The following TGFBR3 variants were observed in gnomAD, a reference collection of about 807,000 sequenced individuals.
TGFBR3 encodes transforming growth factor beta receptor type 3.
A neutral mutation model predicts 87.9 loss-of-function variants in TGFBR3; 46 were observed. The ratio of observed to expected loss-of-function variants is 0.52; its 90% CI spans 0.41 to 0.67. The LOEUF (loss-of-function observed/expected upper bound fraction) is 0.67. Ranked by LOEUF, TGFBR3 falls within the 30% of genes least tolerant of loss-of-function variation. TGFBR3 has a pLI of 0.00. For synonymous variants in TGFBR3, 381 were observed against 391.6 expected, an observed-to-expected ratio of 0.97 and a Z score of 0.32; for missense variants, 866 against 1,041.9, an observed-to-expected ratio of 0.83 and a Z score of 2.32.
intron 1 of TGFBR3, among the ~76,000 whole-genome samples, chr1:91,883,000 G>T (rs1304250935): frequency 6.6e-6 from 1 of 152,104 alleles, no homozygotes; most frequent in Non-Finnish European, 1.5e-5. Flanking sequence ...GAAAGATGAT[G>T]ACAGGATTGT....
intron 2 of TGFBR3, among the ~76,000 whole-genome samples, chr1:91,815,927 A>G (rs2101049073): frequency 6.6e-6 from 1 of 152,368 alleles, no homozygotes; most frequent in African/African-American, 2.4e-5. Context: ...GTGAACCTGG[A>G]AGGGCTCAGC....
intron 2 of TGFBR3, among the ~76,000 whole-genome samples, chr1:91,839,175 G>T (rs902455657): frequency 2.6e-5 from 4 of 151,990 alleles, no homozygotes; most frequent in African/African-American, 7.2e-5. Flanking sequence ...ACACGGTCTC[G>T]CTGTGTTGAC....
chr1:91,785,749 C>A (rs1674933338), intron 3 of TGFBR3, among the ~76,000 whole-genome samples: 1 of 151,866 alleles, frequency 6.6e-6, no homozygotes, highest in African/African-American at 2.4e-5. Flanking sequence ...ATGAACACAC[C>A]CTTTGTTGGG....
intron 3 of TGFBR3, among the ~76,000 whole-genome samples, chr1:91,769,130 T>C (rs930642488): frequency 2.6e-5 from 4 of 152,178 alleles, no homozygotes; most frequent in African/African-American, 9.7e-5. Flanking sequence ...GGGATAATAA[T>C]TGTATCTATT....
At chr1:91,854,506 G>C (rs751109456) in intron 2 of TGFBR3, among the ~76,000 whole-genome samples, 2 of 152,102 alleles carry the variant, frequency 1.3e-5, no homozygotes, top group Non-Finnish European at 2.9e-5. Context: ...CACCTCACTC[G>C]ACAGTGAGGA....
At chr1:91,810,584 G>A (rs537855374) in intron 2 of TGFBR3, among the ~76,000 whole-genome samples, 2 of 152,276 alleles carry the variant, frequency 1.3e-5, no homozygotes, top group African/African-American at 4.8e-5. Context: ...CATGCGGCAC[G>A]TGTTCATAAA....
At chr1:91,698,326 A>T (rs1477403581) in intron 14 of TGFBR3, among the ~76,000 whole-genome samples, 196 bp from the exon 15 acceptor site, 1 of 152,160 alleles carries the variant, frequency 6.6e-6, no homozygotes, top group African/African-American at 2.4e-5. Context: ...TTTTGTTGAC[A>T]ATCAGTTGCA....
At chr1:91,862,597 A>G (rs921653843) in intron 1 of TGFBR3, among the ~76,000 whole-genome samples, 3 of 152,134 alleles carry the variant, frequency 2.0e-5, no homozygotes, top group African/African-American at 7.2e-5. Context: ...GCCTAACTTG[A>G]ATATTCCTCA....
intron 2 of TGFBR3, among the ~76,000 whole-genome samples, chr1:91,859,887 C>A (rs1005143079): frequency 3.8e-5 from 5 of 132,904 alleles, no homozygotes; most frequent in African/African-American, 8.6e-5. Context: ...CCAGCCTGGG[C>A]AACAGAGGGA....
At chr1:91,827,512 C>G (rs941180009) in intron 2 of TGFBR3, among the ~76,000 whole-genome samples, 1 of 152,194 alleles carries the variant, frequency 6.6e-6, no homozygotes, top group African/African-American at 2.4e-5. Flanking sequence ...TTTAAGTTGA[C>G]TGTTACTTCC....
At chr1:91,828,889 A>G (rs1454800704) in intron 2 of TGFBR3, among the ~76,000 whole-genome samples, 2 of 152,166 alleles carry the variant, frequency 1.3e-5, no homozygotes, top group Non-Finnish European at 2.9e-5. Context: ...GGACTCCTCA[A>G]TGCAGTGAGT....
At chr1:91,862,336 A>G (rs536139224) in intron 1 of TGFBR3, among the ~76,000 whole-genome samples, 41 of 152,342 alleles carry the variant, frequency 2.7e-4, no homozygotes, top group African/African-American at 8.7e-4. Flanking sequence ...TAGAGACTCA[A>G]TCTAATGTTA....
intron 3 of TGFBR3, among the ~76,000 whole-genome samples, chr1:91,789,656 A>T (rs1675114262): frequency 6.6e-6 from 1 of 152,222 alleles, no homozygotes; most frequent in Non-Finnish European, 1.5e-5. Flanking sequence ...TTTTTCTAAA[A>T]GTCCAAGACT....
intron 6 of TGFBR3, 77 bp downstream of exon 6, chr1:91,729,728 A>G: frequency 6.4e-7 from 1 of 1,557,978 alleles, no homozygotes; most frequent in South Asian, 1.1e-5. Context: ...AGGACGGGCT[A>G]CACCTCTCCC....
chr1:91,827,949 G>T (rs1003153400), intron 2 of TGFBR3, among the ~76,000 whole-genome samples: 1 of 152,174 alleles, frequency 6.6e-6, no homozygotes, highest in African/African-American at 2.4e-5. Flanking sequence ...CAACGGACTT[G>T]TTATTAACCA....
At chr1:91,807,636 C>T (rs1675881818) in intron 2 of TGFBR3, among the ~76,000 whole-genome samples, 1 of 152,220 alleles carries the variant, frequency 6.6e-6, no homozygotes, top group South Asian at 2.1e-4. Flanking sequence ...ACTCTTCCAT[C>T]TAAACAAGAT....
chr1:91,687,790 A>G (rs781737058), intron 16 of TGFBR3, among the ~76,000 whole-genome samples: 4 of 152,146 alleles, frequency 2.6e-5, no homozygotes, highest in Admixed American at 6.5e-5. Context: ...TTATAGAGGG[A>G]ATTTATGGAA....
intron 3 of TGFBR3, among the ~76,000 whole-genome samples, chr1:91,776,253 T>C (rs1262365930): frequency 1.3e-5 from 2 of 152,254 alleles, no homozygotes; most frequent in Non-Finnish European, 2.9e-5. Context: ...CACTGTGTTT[T>C]TGTTACCTTT....
chr1:91,842,751 C>A (rs1042904964), intron 2 of TGFBR3, among the ~76,000 whole-genome samples: 3 of 152,198 alleles, frequency 2.0e-5, no homozygotes, highest in African/African-American at 7.2e-5. Context: ...GACCTAACTA[C>A]TATGTGCCAT....
Sources: allele counts gnomAD v4.1 joint callset (sites outside exome capture counted in the v4.1 genomes callset), GRCh38; gene constraint gnomAD v4.1.1; transcripts MANE v1.5; gene names NCBI Gene and HGNC (gene_info 2026-07-23, HGNC 2026-07-21).